KANSL1L: variants seen among roughly 807,000 people sequenced by gnomAD.
KANSL1L encodes the protein KAT8 regulatory NSL complex subunit 1-like protein.
A neutral mutation model predicts 108.6 loss-of-function variants in KANSL1L; 25 were observed. The ratio of observed to expected loss-of-function variants is 0.23; its 90% confidence interval spans 0.17 to 0.32. The LOEUF (loss-of-function observed/expected upper bound fraction) is 0.32, where lower values mean the gene tolerates loss of function less well. KANSL1L is among the 10% of genes least tolerant of loss of function. The probability of loss-of-function intolerance (pLI) is 1.00; values close to 1 mark genes in which losing one functional copy is unlikely to be tolerated. For missense variants in KANSL1L, 1,137 were observed against 1,125.7 expected, an observed-to-expected ratio of 1.01 and a Z score of -0.14; for synonymous variants, 405 against 395.1, an observed-to-expected ratio of 1.03 and a Z score of -0.30.
chr2:210,110,372 TATC>T (rs879494009), intron 3 of KANSL1L, among the ~76,000 whole-genome samples: 14 of 152,350 alleles, frequency 9.2e-5, no homozygotes, highest in Non-Finnish European at 1.5e-4. Context: ...TCCTATCTCT[TATC>T]ATATAAAGTG....
At chr2:210,063,184 T>A (rs1427827553) in intron 6 of KANSL1L, among the ~76,000 whole-genome samples, 2 of 152,232 alleles carry the variant, frequency 1.3e-5, no homozygotes, top group African/African-American at 4.8e-5. Context: ...CCTTGGCAGT[T>A]TCCATGTGGT....
At chr2:210,079,646 A>ATATATGTG in intron 5 of KANSL1L, among the ~76,000 whole-genome samples, 1 of 13,128 alleles carries the variant, frequency 7.6e-5, no homozygotes, top group African/African-American at 2.8e-4. Flanking sequence ...ATATATATAT[A>ATATATGTG]TATATATATA....
chr2:210,042,845 G>C (rs2094180666), intron 7 of KANSL1L, among the ~76,000 whole-genome samples: 1 of 152,078 alleles, frequency 6.6e-6, no homozygotes, highest in African/African-American at 2.4e-5. Flanking sequence ...CTCTACTACT[G>C]ATAAAAACTA....
At chr2:210,117,256 T>C (rs1053064662) in intron 3 of KANSL1L, among the ~76,000 whole-genome samples, 1 of 151,780 alleles carries the variant, frequency 6.6e-6, no homozygotes, top group Non-Finnish European at 1.5e-5. Flanking sequence ...ATCAAAAAAA[T>C]AGCCTCAAAA....
At chr2:210,053,036 T>C (rs998529127) in intron 6 of KANSL1L, among the ~76,000 whole-genome samples, 2 of 152,218 alleles carry the variant, frequency 1.3e-5, no homozygotes, top group Non-Finnish European at 2.9e-5. Flanking sequence ...TCAAGTCTCA[T>C]TCATGTTAAG....
At chr2:210,116,499 T>C (rs1261068746) in intron 3 of KANSL1L, among the ~76,000 whole-genome samples, 1 of 152,118 alleles carries the variant, frequency 6.6e-6, no homozygotes, top group African/African-American at 2.4e-5. Flanking sequence ...GTCCCAGTGG[T>C]CCTTGTGTCA....
intron 3 of KANSL1L, among the ~76,000 whole-genome samples, chr2:210,125,128 C>G (rs1293795661): frequency 1.3e-5 from 2 of 151,994 alleles, no homozygotes; most frequent in African/African-American, 4.8e-5. Flanking sequence ...GTGGCGGGTG[C>G]CTGTAATCCC....
Position 210,024,090 on chromosome 2 carries a change from C to G in KANSL1L, c.2676G>C (p.Glu892Asp). The change falls in exon 14 of 15, where the codon GAG (glutamate) becomes GAC (aspartate). Residue 892 changes from glutamate (E) to aspartate (D), a missense_variant. Glu to Asp is a conservative substitution (Grantham distance 45, BLOSUM62 2). Transcript: ENST00000281772. ...AAASPPGLPS[E>D]NQDLCAYGLP... ...AGCCATATGCACACAGATCCTGGTTCTCTGAAGGAAGCCCAGGAGGACTTG... is the reference window on the plus strand; with the variant it reads ...AGCCATATGCACACAGATCCTGGTTGTCTGAAGGAAGCCCAGGAGGACTTG... 1 of 1,607,880 alleles carries G rather than the reference C, an allele frequency of 6.2e-7. No homozygotes were observed. The highest frequency in any genetic ancestry group is 8.5e-7 in the Non-Finnish European group (1 of 1,176,786).
chr2:210,086,491 T>TAAAAAAA (rs57685611), intron 5 of KANSL1L, among the ~76,000 whole-genome samples: 2 of 141,112 alleles, frequency 1.4e-5, no homozygotes, highest in Non-Finnish European at 1.5e-5. Context: ...TTAATAAAGC[T>TAAAAAAA]AAAAAAAAAA....
At chr2:210,148,266 G>A (rs549988304) in intron 2 of KANSL1L, among the ~76,000 whole-genome samples, 1 of 152,224 alleles carries the variant, frequency 6.6e-6, no homozygotes, top group South Asian at 2.1e-4. Context: ...ACATGTCTGT[G>A]TCAAAATCTG....
intron 2 of KANSL1L, among the ~76,000 whole-genome samples, chr2:210,147,087 A>G (rs895675742): frequency 3.9e-5 from 6 of 152,318 alleles, no homozygotes; most frequent in African/African-American, 1.4e-4. Context: ...CGTTGCTCAA[A>G]AAAAAGCCTT....
intron 3 of KANSL1L, among the ~76,000 whole-genome samples, chr2:210,111,893 C>T (rs2094909401): frequency 7.1e-6 from 1 of 141,086 alleles, no homozygotes; most frequent in African/African-American, 2.6e-5. Flanking sequence ...CTCCCCCCAC[C>T]CCACAACAGT....
chr2:210,046,777 G>A (rs1166469268), intron 6 of KANSL1L, among the ~76,000 whole-genome samples: 1 of 152,136 alleles, frequency 6.6e-6, no homozygotes, highest in African/African-American at 2.4e-5. Flanking sequence ...TGCATGAGTG[G>A]CTTTGCCACA....
chr2:210,057,628 G>T (rs1035059067), intron 6 of KANSL1L, among the ~76,000 whole-genome samples: 3 of 152,204 alleles, frequency 2.0e-5, no homozygotes, highest in Non-Finnish European at 4.4e-5. Context: ...ATGAACCCGG[G>T]TGTTGCGGGA....
chr2:210,048,964 A>G (rs2094257280), intron 6 of KANSL1L, among the ~76,000 whole-genome samples: 1 of 152,220 alleles, frequency 6.6e-6, no homozygotes, highest in Non-Finnish European at 1.5e-5. Context: ...CTGACTTATT[A>G]TAAATTCTAT....
In KANSL1L at chr2:210,154,348, T is replaced by C. The variant is rs1392541362; in HGVS notation, c.235A>G (p.Thr79Ala). ...GSPQSSKHYQ[T>A]VFLMRSNSTL... The stretch of plus-strand genomic sequence containing the variant: ...GAATTAGATCTCATTAAAAAAACAG[T>C]CTGGTAATGTTTTGAAGACTGAGGG... Residue 79 changes from threonine (T) to alanine (A), a missense_variant, in exon 2 of 15, where the codon ACT (threonine) becomes GCT (alanine). Physicochemically the swap from Thr to Ala is moderately conservative, Grantham distance 58. Around this residue, in one of 3 missense-constraint regions of KANSL1L, gnomAD observed 556 missense variants for 537.7 expected, o/e 1.03. Coordinates refer to ENST00000281772, the MANE Select transcript of KANSL1L (RefSeq NM_152519.4). 4 of 1,611,306 alleles carry C rather than the reference T, an allele frequency of 2.5e-6. No homozygotes were observed. The highest frequency in any genetic ancestry group is 3.4e-6 in the Non-Finnish European group (4 of 1,179,224).
Position 210,022,493 on chromosome 2 carries a change from G to T in KANSL1L, c.*456C>A, listed in dbSNP as rs1559489455. The T allele has an allele frequency of 6.1e-6, 1 of 163,364 alleles. No individual in the cohort carries two copies. Among genetic ancestry groups the T allele is most frequent in the African/African-American group, 2.4e-5 (1 of 41,390 alleles). The allele number at this position is 163,364 out of a possible 1,614,324, so 10.1% of individuals were successfully genotyped here. A position where few individuals can be genotyped will look rare whatever the true frequency, so the allele number is the denominator to read the frequency against. ...ACTACATAGGGGTGTGTGTGTGTGT[G>T]TATGTTTATTTTATACACACATATT... On this transcript the variant is annotated 3_prime_UTR_variant, in exon 15 of 15. Coordinates refer to ENST00000281772, the MANE Select transcript of KANSL1L (RefSeq NM_152519.4).
intron 3 of KANSL1L, among the ~76,000 whole-genome samples, chr2:210,116,756 C>G (rs2094959177): frequency 6.6e-6 from 1 of 152,252 alleles, no homozygotes; most frequent in East Asian, 1.9e-4. Context: ...ATCTAGAAAG[C>G]ATTCTCAAGA....
intron 11 of KANSL1L, among the ~76,000 whole-genome samples, chr2:210,027,805 G>C (rs1332693453): frequency 2.0e-5 from 3 of 152,144 alleles, no homozygotes; most frequent in Non-Finnish European, 4.4e-5. Context: ...GCTAGCTCCA[G>C]CCTACCATTG....
Sources: allele counts gnomAD v4.1 joint callset (sites outside exome capture counted in the v4.1 genomes callset), GRCh38; gene constraint gnomAD v4.1.1; regional missense constraint gnomAD v4.1.1; transcripts MANE v1.5; gene names NCBI Gene and HGNC (gene_info 2026-07-23, HGNC 2026-07-21).